The following DOP1A variants were observed in gnomAD, a reference collection of about 807,000 sequenced individuals.
DOP1A encodes protein DOP1A.
In DOP1A, 90 loss-of-function variants were observed where a neutral mutation model predicts 267.6. The observed-to-expected ratio is 0.34, with a 90% CI of 0.28 to 0.40. The LOEUF is 0.40. Ranked by LOEUF, DOP1A falls within the 10% of genes least tolerant of loss-of-function variation. The pLI, the probability that DOP1A is intolerant of heterozygous loss-of-function variation, is 1.00. For synonymous variants in DOP1A, 932 were observed against 999.1 expected (o/e 0.93, Z 1.27); for missense variants, 2,437 against 2,900.4 (o/e 0.84, Z 3.67).
At chr6:83,081,156 CTG>C (rs200465747) in intron 1 of DOP1A, among the ~76,000 whole-genome samples, 1,841 of 152,288 alleles carry the variant, frequency 0.012, 25 homozygotes, top group African/African-American at 0.037. Flanking sequence ...GAGTCTCACT[CTG>C]TTGCCCGGGC....
At chr6:83,146,563 T>C (rs9449582) in intron 25 of DOP1A, among the ~76,000 whole-genome samples, 52,565 of 151,916 alleles carry the variant, frequency 0.35, 10,532 homozygotes, top group African/African-American at 0.56. Flanking sequence ...GCCAATCCAC[T>C]GTCCTGCCCC....
downstream of DOP1A, chr6:83,171,051 ATGTTGGGGCCAGGTGCAGTAGCTCACACC>A (rs1187574682): frequency 2.0e-5 from 3 of 152,746 alleles, no homozygotes; most frequent in Non-Finnish European, 4.4e-5. Flanking sequence ...CTTCAAAATA[ATGTTGGGGCCAGGTGCAGTAGCTCACACC>A]TGTAATCCTA....
chr6:83,133,118 A>G (rs1364004911), intron 18 of DOP1A, among the ~76,000 whole-genome samples: 1 of 152,132 alleles, frequency 6.6e-6, no homozygotes, highest in Non-Finnish European at 1.5e-5. Context: ...AAGGAATGAA[A>G]AGTTTATTCC....
intron 37 of DOP1A, among the ~76,000 whole-genome samples, chr6:83,162,228 ATTT>A (rs1784401864): frequency 6.6e-6 from 1 of 151,988 alleles, no homozygotes; most frequent in African/African-American, 2.4e-5. Context: ...TACTGTTTGA[ATTT>A]TTCCCATGGT....
Position 83,153,548 on chromosome 6 carries a change from A to G in DOP1A, c.6167A>G (p.Asp2056Gly). The G allele has an allele frequency of 6.2e-7, 1 of 1,609,466 alleles. No individual in the cohort carries two copies. Among genetic ancestry groups the G allele is most frequent in the Non-Finnish European group, 8.5e-7 (1 of 1,178,280 alleles). Residue 2056 changes from aspartate to glycine, a missense_variant, in exon 31 of 39, where the codon GAT (aspartate) becomes GGT (glycine). Asp to Gly is a moderately conservative substitution (Grantham distance 94). Coordinates refer to ENST00000349129, the MANE Select transcript of DOP1A (RefSeq NM_015018.4). ...CTTTTGGATATGGTTTTCTATAGTG[A>G]TGAAAAGGAGCGGGTTATTCCTTTA... Reference protein sequence around the residue: ...AHLLDMVFYSDEKERVIPLLV... With the variant: ...AHLLDMVFYSGEKERVIPLLV...
At chr6:83,168,754 T>C (rs1786428300), downstream of DOP1A, 3 of 1,000,298 alleles carry the variant, frequency 3.0e-6, no homozygotes, top group Non-Finnish European at 3.6e-6. Flanking sequence ...ATTAGTCATA[T>C]AGGTAAGTCA....
At chr6:83,111,934 T>C (rs1053317545) in intron 6 of DOP1A, among the ~76,000 whole-genome samples, 5 of 152,178 alleles carry the variant, frequency 3.3e-5, no homozygotes, top group Admixed American at 6.6e-5. Flanking sequence ...TTTGGTGTTA[T>C]ATTAGGAAAC....
rs1784545279 is a variant in DOP1A, at chr6:83,162,809, C to T, written c.6982C>T (p.Pro2328Ser). The T allele has an allele frequency of 6.2e-7, 1 of 1,612,160 alleles. No individual in the cohort carries two copies. The highest frequency in any genetic ancestry group is 1.3e-5 in the African/African-American group (1 of 74,826). ...ACATAGGTACCGATGGGCCTTTATT[C>T]CAGAAGCCTCAGATGATTCAGGTTT... Reference protein sequence around the residue: ...QFQMYRWAFIPEASDDSGLEV... With the variant: ...QFQMYRWAFISEASDDSGLEV... The change falls in exon 38 of 39, where the codon CCA (proline) becomes TCA (serine). Residue 2328 changes from proline (P) to serine (S), a missense_variant. Pro to Ser is a moderately conservative substitution (Grantham distance 74). Around this residue, in one of 9 missense-constraint regions of DOP1A, gnomAD observed 197 missense variants for 246.5 expected, o/e 0.80. Transcript: ENST00000349129.
chr6:83,080,929 A>C (rs1767963867), intron 1 of DOP1A, among the ~76,000 whole-genome samples: 2 of 152,214 alleles, frequency 1.3e-5, no homozygotes, highest in Admixed American at 6.5e-5. Context: ...GGAACCACAA[A>C]AGACCCCAAA....
rs114800905 is a variant in DOP1A, at chr6:83,152,313, C to T, written c.6075C>T (p.Thr2025=). Residue 2025 remains threonine, a synonymous_variant, in exon 30 of 39, where the codon ACC becomes ACT. Transcript: ENST00000349129. ...VEDMLSPAME[T]ANITPSVYSV... ...ATATGTTATCACCTGCAATGGAAAC[C>T]GCAAACATAACTCCTTCTGTATATA... The T allele has an allele frequency of 1.9e-3, 3,023 of 1,572,326 alleles. 66 individuals carry two copies. In the African/African-American group the frequency reaches 0.036, roughly 19 times the overall value.
At position 83,162,928 on chromosome 6, in the gene DOP1A, T is replaced by C; in HGVS notation, c.7092+9T>C. ...TTCGGAAAAGAGCAAAGGTATCGCA[T>C]TCTTTTGTGATTGTTTTGTTTTACA... is the stretch of plus-strand genomic sequence containing the variant. On this transcript the variant is annotated intron_variant, in intron 38 of 38. Coordinates refer to ENST00000349129, the MANE Select transcript of DOP1A (RefSeq NM_015018.4). 1 of 1,608,474 alleles carries C rather than the reference T, an allele frequency of 6.2e-7. No homozygotes were observed. Among genetic ancestry groups the C allele is most frequent in the South Asian group, 1.1e-5 (1 of 90,234 alleles).
Position 83,137,379 on chromosome 6 carries a change from T to A in DOP1A, c.3337T>A (p.Cys1113Ser). ...IEILQSSDSG[C>S]SQSSAGDNLS... ...AATACTTCAGAGTTCTGACTCGGGA[T>A]GTTCACAGTCCTCTGCTGGGGACAA... is the stretch of plus-strand genomic sequence containing the variant. Residue 1113 changes from cysteine to serine, a missense_variant, in exon 21 of 39, where the codon TGT becomes AGT. Around this residue, in one of 9 missense-constraint regions of DOP1A, gnomAD observed 878 missense variants for 992.9 expected, o/e 0.88. Coordinates refer to ENST00000349129, the MANE Select transcript of DOP1A (RefSeq NM_015018.4). The A allele has an allele frequency of 6.2e-7, 1 of 1,613,872 alleles. No homozygotes were observed. Among genetic ancestry groups the A allele is most frequent in the Non-Finnish European group, 8.5e-7 (1 of 1,179,852 alleles).
In DOP1A at chr6:83,122,879, A is replaced by T; in HGVS notation, c.1237A>T (p.Lys413Ter). The change falls in exon 12 of 39, where the codon AAG becomes TAG. Residue 413 changes from lysine (K) to a stop codon, truncating the protein, a stop_gained. Coordinates refer to ENST00000349129, the MANE Select transcript of DOP1A (RefSeq NM_015018.4). LOFTEE classifies it high-confidence loss of function. ...AQLSSKLREN[K>*]KTAELIKTAN... Reference sequence around the variant, plus strand: ...TTTTTTCAGTAAATTAAGAGAAAATAAGAAAACAGCAGAGCTGATTAAAAC... The same window carrying T: ...TTTTTTCAGTAAATTAAGAGAAAATTAGAAAACAGCAGAGCTGATTAAAAC... 6.7e-7 allele frequency: 1 copy of T among 1,490,500 alleles called. No homozygotes were observed. Among genetic ancestry groups the T allele is most frequent in the Non-Finnish European group, 8.9e-7 (1 of 1,119,084 alleles). The allele number at this position is 1,490,500 out of a possible 1,614,324, so 92.3% of individuals were successfully genotyped here.
chr6:83,127,024 G>A (rs879595077), intron 15 of DOP1A, among the ~76,000 whole-genome samples: 1 of 152,036 alleles, frequency 6.6e-6, no homozygotes, highest in African/African-American at 2.4e-5. Flanking sequence ...CCTGGGTGGG[G>A]AACATAGAAC....
At chr6:83,078,926 T>G (rs1401215404) in intron 1 of DOP1A, among the ~76,000 whole-genome samples, 2 of 152,220 alleles carry the variant, frequency 1.3e-5, no homozygotes, top group African/African-American at 4.8e-5. Context: ...ATTGTTGTTT[T>G]GTTACCATCT....
At chr6:83,100,913 C>A in intron 4 of DOP1A, 27 bp downstream of exon 4, 1 of 1,295,664 alleles carries the variant, frequency 7.7e-7, no homozygotes, top group Non-Finnish European at 1.0e-6. Flanking sequence ...TATATATATA[C>A]AAATAATATA....
chr6:83,129,107 A>G lies in DOP1A; in HGVS notation c.1940A>G (p.Glu647Gly). Residue 647 changes from glutamate to glycine, a missense_variant, in exon 16 of 39, where the codon GAA (glutamate) becomes GGA (glycine). By Grantham distance (98) the Glu-to-Gly change is moderately conservative. Transcript: ENST00000349129. ...ETETASTVGS[E>G]ETIIQTPSVV... ...GAAACAGCATCCACTGTGGGATCTG[A>G]AGAAACCATCATCCAGACCCCTTCC... 6.2e-7 allele frequency: 1 copy of G among 1,614,054 alleles called. No individual in the cohort carries two copies. The highest frequency in any genetic ancestry group is 2.2e-5 in the East Asian group (1 of 44,862).
chr6:83,130,232 G>T lies in DOP1A; in HGVS notation c.2451G>T (p.Leu817=). The change falls in exon 17 of 39, where the codon CTG becomes CTT. Residue 817 remains leucine, a synonymous_variant. Coordinates refer to ENST00000349129, the MANE Select transcript of DOP1A (RefSeq NM_015018.4). ...TTGCTATTTCACTAGTTATGGACCT[G>T]GTGGGACTGACACAGTCTGTGGCCA... ...QSVAISLVMD[L]VGLTQSVAMV... is the part of the protein sequence containing the mutation. The T allele has an allele frequency of 6.2e-7, 1 of 1,614,018 alleles. No homozygotes were observed. Among genetic ancestry groups the T allele is most frequent in the African/African-American group, 1.3e-5 (1 of 75,008 alleles).
At chr6:83,076,531 A>T (rs746000671) in intron 1 of DOP1A, among the ~76,000 whole-genome samples, 4 of 152,092 alleles carry the variant, frequency 2.6e-5, no homozygotes, top group Non-Finnish European at 5.9e-5. Context: ...AATGTTGAAG[A>T]TCACTAATCA....
Sources: gnomAD v4.1 joint callset for allele counts (sites outside exome capture counted in the v4.1 genomes callset) on GRCh38, gnomAD v4.1.1 for gene constraint, gnomAD v4.1.1 regional missense constraint, MANE v1.5 for transcripts, NCBI Gene and HGNC (gene_info 2026-07-23, HGNC 2026-07-21) for gene names.